Variants in MYCBP2 observed in about 807,000 individuals in gnomAD.
The protein encoded by MYCBP2 is E3 ubiquitin-protein ligase MYCBP2.
In MYCBP2, 120 loss-of-function variants were observed where a neutral mutation model predicts 525.3. The ratio of observed to expected loss-of-function variants is 0.23; its 90% confidence interval spans 0.20 to 0.27. The LOEUF is 0.27. Ranked by LOEUF, MYCBP2 falls within the 10% of genes least tolerant of loss-of-function variation. The probability of loss-of-function intolerance (pLI) is 1.00; values close to 1 mark genes in which losing one functional copy is unlikely to be tolerated. For missense variants in MYCBP2, 4,149 were observed against 5,657.1 expected, an observed-to-expected ratio of 0.73 and a Z score of 8.55; for synonymous variants, 1,894 against 1,955.8, an observed-to-expected ratio of 0.97 and a Z score of 0.83.
chr13:77,244,300 T>C (rs1261199420), intron 15 of MYCBP2, among the ~76,000 whole-genome samples: 1 of 152,122 alleles, frequency 6.6e-6, no homozygotes, highest in African/African-American at 2.4e-5. Context: ...CCCAGATGGG[T>C]TGGTTGGCTA....
intron 4 of MYCBP2, 121 bp downstream of exon 4, chr13:77,278,637 C>T: frequency 4.5e-6 from 4 of 887,140 alleles, no homozygotes; most frequent in Non-Finnish European, 6.1e-6. Context: ...ACCTCAAGTA[C>T]TTAACATTTT....
intron 55 of MYCBP2, among the ~76,000 whole-genome samples, chr13:77,102,223 C>T (rs1238006343): frequency 2.0e-5 from 3 of 151,588 alleles, no homozygotes; most frequent in African/African-American, 4.8e-5. Context: ...TAGCATATAT[C>T]AGGTTACATG....
chr13:77,241,263 C>T (rs935163326), intron 17 of MYCBP2, among the ~76,000 whole-genome samples: 1 of 152,026 alleles, frequency 6.6e-6, no homozygotes, highest in African/African-American at 2.4e-5. Context: ...TTCCTATATG[C>T]ACAAATATAC....
chr13:77,289,911 G>C (rs2077297075), intron 2 of MYCBP2, among the ~76,000 whole-genome samples: 1 of 152,026 alleles, frequency 6.6e-6, no homozygotes, highest in African/African-American at 2.4e-5. Context: ...CTGAAAAAAT[G>C]TAATTTCAAA....
At chr13:77,131,612 T>G (rs1594792386) in intron 52 of MYCBP2, among the ~76,000 whole-genome samples, 1 of 152,220 alleles carries the variant, frequency 6.6e-6, no homozygotes, top group South Asian at 2.1e-4. Flanking sequence ...AAATGTTAAT[T>G]TTTCCAAAGC....
intron 33 of MYCBP2, among the ~76,000 whole-genome samples, chr13:77,181,229 T>G (rs527736796): frequency 2.9e-4 from 44 of 152,318 alleles, no homozygotes; most frequent in African/African-American, 1.1e-3. Context: ...ATTTCCAGCA[T>G]GAAAATGATT....
intron 34 of MYCBP2, among the ~76,000 whole-genome samples, chr13:77,179,697 A>G (rs1259415149): frequency 6.6e-6 from 1 of 152,220 alleles, no homozygotes; most frequent in Non-Finnish European, 1.5e-5. Context: ...TCCAATTTTA[A>G]GTATGTATTT....
intron 32 of MYCBP2, among the ~76,000 whole-genome samples, chr13:77,182,563 TA>T (rs1191354497): frequency 6.6e-6 from 1 of 152,216 alleles, no homozygotes; most frequent in Non-Finnish European, 1.5e-5. Context: ...CAACATTTGC[TA>T]AATCTAGCCT....
At chr13:77,049,897 T>C (rs1179168408) in intron 82 of MYCBP2, among the ~76,000 whole-genome samples, 1 of 152,140 alleles carries the variant, frequency 6.6e-6, no homozygotes, top group Non-Finnish European at 1.5e-5. Flanking sequence ...CGGTCTCCCA[T>C]AGTGCTGGGA....
At chr13:77,112,129 T>C (rs1236348830) in intron 55 of MYCBP2, among the ~76,000 whole-genome samples, 1 of 151,936 alleles carries the variant, frequency 6.6e-6, no homozygotes, top group African/African-American at 2.4e-5. Context: ...AGTCTCTCCA[T>C]GGTAACTCCG....
chr13:77,059,951 TA>T (rs1329258755), intron 76 of MYCBP2, among the ~76,000 whole-genome samples: 1 of 151,798 alleles, frequency 6.6e-6, no homozygotes, highest in Non-Finnish European at 1.5e-5. Flanking sequence ...CACAATACCA[TA>T]AAAAATATGA....
chr13:77,305,683 AAGAG>A (rs10544105), intron 1 of MYCBP2, among the ~76,000 whole-genome samples: 4,054 of 152,216 alleles, frequency 0.027, 191 homozygotes, highest in African/African-American at 0.091. Context: ...TTTTTAAAAA[AAGAG>A]AGAGCCATTT....
At chr13:77,173,403 A>G (rs2059326513) in intron 37 of MYCBP2, among the ~76,000 whole-genome samples, 1 of 152,232 alleles carries the variant, frequency 6.6e-6, no homozygotes. Context: ...CTTATGTAAC[A>G]GAAAGCTTTT....
intron 52 of MYCBP2, among the ~76,000 whole-genome samples, chr13:77,131,513 AACAAACACAC>A (rs1325310639): frequency 1.7e-5 from 1 of 59,096 alleles, no homozygotes; most frequent in Non-Finnish European, 4.3e-5. Context: ...CACACACACA[AACAAACACAC>A]ACACACACAC....
At chr13:77,181,326 A>G (rs2060200707) in intron 33 of MYCBP2, among the ~76,000 whole-genome samples, 1 of 152,046 alleles carries the variant, frequency 6.6e-6, no homozygotes, top group Non-Finnish European at 1.5e-5. Flanking sequence ...AAAATCCTTT[A>G]TTTTCTTATT....
At position 77,326,377 on chromosome 13, in the gene MYCBP2, ACACACACGCAAG is replaced by A. The variant is rs1252389793; in HGVS notation, c.302+85_302+96del. 8.3e-7 allele frequency: 1 copy of A among 1,210,252 alleles called. No homozygotes were observed. Among genetic ancestry groups the A allele is most frequent in the East Asian group, 2.8e-5 (1 of 35,510 alleles). 75.0% of individuals were successfully genotyped at this position (1,210,252 alleles called of 1,614,324 possible). A position where few individuals can be genotyped will look rare whatever the true frequency, so the allele number is the denominator to read the frequency against. On this transcript the variant is annotated intron_variant, in intron 1 of 82. Transcript: ENST00000544440. This position sits in a 1 kb window ranked among gnomAD's most constrained non-coding sequence, Gnocchi z 4.2. ...CTGAAAGCTCAATAAATGCGCAGGT[ACACACACGCAAG>A]CACACACACACGCGGGTGCACGCGC...
intron 40 of MYCBP2, 70 bp from the exon 41 acceptor site, chr13:77,166,624 ATG>A (rs370778014): frequency 2.8e-4 from 284 of 1,015,784 alleles, no homozygotes; most frequent in South Asian, 4.4e-4. Flanking sequence ...CTGCATCTGT[ATG>A]TGTGTGTGTG....
At chr13:77,073,639 C>T (rs1477072512) in intron 68 of MYCBP2, among the ~76,000 whole-genome samples, 2 of 151,592 alleles carry the variant, frequency 1.3e-5, no homozygotes, top group Non-Finnish European at 2.9e-5. Flanking sequence ...CTAAGAAAAC[C>T]CCAAAGAGTC....
chr13:77,237,853 T>A (rs1350636238), intron 17 of MYCBP2, among the ~76,000 whole-genome samples: 1 of 152,088 alleles, frequency 6.6e-6, no homozygotes, highest in Non-Finnish European at 1.5e-5. Context: ...AATACTTTAA[T>A]TTAAAAAGAG....
Sources: allele counts gnomAD v4.1 joint callset (sites outside exome capture counted in the v4.1 genomes callset), GRCh38; gene constraint gnomAD v4.1.1; non-coding constraint Gnocchi (gnomAD v3.1); transcripts MANE v1.5; gene names NCBI Gene and HGNC (gene_info 2026-07-23, HGNC 2026-07-21).